LPCAT2: variants seen among roughly 807,000 people sequenced by gnomAD.
The protein encoded by LPCAT2 is 1-AGP acyltransferase 11.
In LPCAT2, 58 loss-of-function variants were observed where a neutral mutation model predicts 64.7. The observed-to-expected ratio is 0.90, with a 90% confidence interval of 0.73 to 1.12. The LOEUF (loss-of-function observed/expected upper bound fraction) is 1.12, where lower values mean the gene tolerates loss of function less well. Ranked by LOEUF, LPCAT2 falls within the 50% of genes most tolerant of loss-of-function variation. The pLI, the probability that LPCAT2 is intolerant of heterozygous loss-of-function variation, is 0.00. For synonymous variants in LPCAT2, 252 were observed against 245.3 expected (o/e 1.03, Z -0.26); for missense variants, 579 against 669.8 (o/e 0.86, Z 1.50).
intron 1 of LPCAT2, among the ~76,000 whole-genome samples, chr16:55,522,155 G>A (rs1377719978): frequency 6.6e-6 from 1 of 151,608 alleles, no homozygotes; most frequent in Admixed American, 6.6e-5. Context: ...CAGGTCATAG[G>A]ATAAAAGATC....
At chr16:55,557,142 T>A (rs1225751392) in intron 11 of LPCAT2, 2 of 152,244 alleles carry the variant, frequency 1.3e-5, no homozygotes, top group Admixed American at 1.3e-4. Context: ...ACTTTTCTTT[T>A]GATCTCCAAC....
chr16:55,524,128 A>G (rs1963136260), intron 1 of LPCAT2, among the ~76,000 whole-genome samples: 1 of 151,882 alleles, frequency 6.6e-6, no homozygotes, highest in African/African-American at 2.4e-5. Context: ...CTTGTACAAG[A>G]ATGTTCATAG....
chr16:55,513,253 G>A (rs1214565487), intron 1 of LPCAT2, among the ~76,000 whole-genome samples: 1 of 152,112 alleles, frequency 6.6e-6, no homozygotes, highest in Admixed American at 6.6e-5. Flanking sequence ...TAGTTGGAAG[G>A]AGCTTAGCAG....
At chr16:55,534,383 C>A in intron 6 of LPCAT2, 60 bp from the exon 7 acceptor site, 2 of 974,288 alleles carry the variant, frequency 2.1e-6, no homozygotes, top group East Asian at 2.5e-5. Context: ...AAAATAAGAT[C>A]TTTATTTTAT....
At chr16:55,532,055 C>G in intron 5 of LPCAT2, 81 bp downstream of exon 5, 1 of 909,224 alleles carries the variant, frequency 1.1e-6, no homozygotes, top group Non-Finnish European at 1.8e-6. Context: ...CACAAAATAA[C>G]TCTTTAGCTT....
chr16:55,580,269 G>A (rs797014264), intron 13 of LPCAT2, among the ~76,000 whole-genome samples: 68 of 152,218 alleles, frequency 4.5e-4, no homozygotes, highest in African/African-American at 1.5e-3. Context: ...TGAAAAAACA[G>A]GATAAAATGG....
chr16:55,570,345 A>G (rs571373339), intron 11 of LPCAT2, among the ~76,000 whole-genome samples: 8 of 152,270 alleles, frequency 5.3e-5, no homozygotes, highest in Non-Finnish European at 7.4e-5. Context: ...AGTACTGGCT[A>G]GGCATGGTGG....
intron 8 of LPCAT2, chr16:55,542,011 A>G (rs1254571115): frequency 1.4e-5 from 16 of 1,140,224 alleles, no homozygotes; most frequent in African/African-American, 1.6e-5. Context: ...AAAATAAAAG[A>G]TTGATTATAG....
chr16:55,541,665 C>T (rs1424827704), intron 8 of LPCAT2: 1 of 276,898 alleles, frequency 3.6e-6, no homozygotes, highest in African/African-American at 2.2e-5. Context: ...CCTGTTACTA[C>T]CTACCTGTAT....
chr16:55,584,255 A>G lies in LPCAT2; in HGVS notation c.*1157A>G, dbSNP rs1488804044. On this transcript the variant is annotated 3_prime_UTR_variant, in exon 14 of 14. Coordinates refer to ENST00000262134, the MANE Select transcript of LPCAT2 (RefSeq NM_017839.5). Reference sequence around the variant, plus strand: ...TATTAGAATTAATATATTATCATGTAAGTGGGAATTTTATTTTGTTAAGTG... The same window carrying G: ...TATTAGAATTAATATATTATCATGTGAGTGGGAATTTTATTTTGTTAAGTG... The G allele has an allele frequency of 6.6e-6, 1 of 152,158 alleles. No homozygotes were observed. The highest frequency in any genetic ancestry group is 2.4e-5 in the African/African-American group (1 of 41,454). The allele number at this position is 152,158 out of a possible 1,614,324, so 9.4% of individuals were successfully genotyped here.
chr16:55,584,639 C>A lies in LPCAT2; in HGVS notation c.*1541C>A, dbSNP rs1434846856. 6.6e-6 allele frequency: 1 copy of A among 152,098 alleles called. No homozygotes were observed. Among genetic ancestry groups the A allele is most frequent in the African/African-American group, 2.4e-5 (1 of 41,412 alleles). The allele number at this position is 152,098 out of a possible 1,614,324, so 9.4% of individuals were successfully genotyped here. A position where few individuals can be genotyped will look rare whatever the true frequency, so the allele number is the denominator to read the frequency against. On this transcript the variant is annotated 3_prime_UTR_variant, in exon 14 of 14. Coordinates refer to ENST00000262134, the MANE Select transcript of LPCAT2 (RefSeq NM_017839.5). ...TGTTTCTGAATGTATTGGTGATTCA[C>A]CCCCAAGCTAATTTTTTAAAGTCAT...
chr16:55,517,401 G>A (rs1596846321), intron 1 of LPCAT2, among the ~76,000 whole-genome samples: 2 of 151,818 alleles, frequency 1.3e-5, no homozygotes, highest in African/African-American at 4.8e-5. Context: ...ACTGGTGAAC[G>A]CTACCAAAGG....
At chr16:55,512,114 A>T (rs1190359707) in intron 1 of LPCAT2, among the ~76,000 whole-genome samples, 6 of 152,190 alleles carry the variant, frequency 3.9e-5, no homozygotes, top group African/African-American at 1.4e-4. Context: ...TGGATCCAAG[A>T]TCCCTTCTAT....
chr16:55,544,445 A>G (rs916231033), intron 8 of LPCAT2, among the ~76,000 whole-genome samples: 1 of 152,166 alleles, frequency 6.6e-6, no homozygotes, highest in Non-Finnish European at 1.5e-5. Flanking sequence ...TACTGAATGG[A>G]GAGCTTCTTG....
At chr16:55,547,669 C>A (rs187972563) in intron 9 of LPCAT2, among the ~76,000 whole-genome samples, 3 of 152,198 alleles carry the variant, frequency 2.0e-5, no homozygotes, top group Admixed American at 2.0e-4. Flanking sequence ...TTATAAGTCC[C>A]AAAATATTTT....
Position 55,583,577 on chromosome 16 carries a change from T to A in LPCAT2, c.*479T>A, listed in dbSNP as rs1963911814. 6.5e-6 allele frequency: 1 copy of A among 152,952 alleles called. No individual in the cohort carries two copies. The highest frequency in any genetic ancestry group is 2.4e-5 in the African/African-American group (1 of 41,468). The allele number at this position is 152,952 out of a possible 1,614,324, so 9.5% of individuals were successfully genotyped here. ...TACAGATTCATTTTTCCATTTAAAT[T>A]TCAGTTTCTTGGATCACTGAATATG... On this transcript the variant is annotated 3_prime_UTR_variant, in exon 14 of 14. Coordinates refer to ENST00000262134, the MANE Select transcript of LPCAT2 (RefSeq NM_017839.5).
At chr16:55,547,160 A>G (rs139044035) in intron 9 of LPCAT2, among the ~76,000 whole-genome samples, 1 of 152,306 alleles carries the variant, frequency 6.6e-6, no homozygotes, top group African/African-American at 2.4e-5. Flanking sequence ...AAAAGAAAAA[A>G]AAAAAATTGA....
chr16:55,529,891 A>G lies in LPCAT2; in HGVS notation c.586A>G (p.Lys196Glu). 2.6e-6 allele frequency: 4 copies of G among 1,521,826 alleles called. No homozygotes were observed. The highest frequency in any genetic ancestry group is 3.5e-6 in the Non-Finnish European group (4 of 1,133,958). 94.3% of individuals were successfully genotyped at this position (1,521,826 alleles called of 1,614,324 possible). A position where few individuals can be genotyped will look rare whatever the true frequency, so the allele number is the denominator to read the frequency against. Residue 196 changes from lysine (K) to glutamate (E), a missense_variant, in exon 4 of 14, where the codon AAA (lysine) becomes GAA (glutamate). Physicochemically the swap from Lys to Glu is moderately conservative, Grantham distance 56 (BLOSUM62 1). Transcript: ENST00000262134. ...GTCCCGTGTAGATCCGGATTCCCGA[A>G]AAAACACAATAAATGAAATAATAAA... ...LVSRVDPDSRKNTINEIIKRT... is the reference protein window; with the variant it reads ...LVSRVDPDSRENTINEIIKRT...
intron 1 of LPCAT2, among the ~76,000 whole-genome samples, chr16:55,514,977 T>C (rs1197489078): frequency 6.8e-6 from 1 of 146,028 alleles, no homozygotes; most frequent in Non-Finnish European, 1.5e-5. Context: ...AAAAAAAGAA[T>C]CAGCAAACTT....
Sources: allele counts gnomAD v4.1 joint callset (sites outside exome capture counted in the v4.1 genomes callset), GRCh38; gene constraint gnomAD v4.1.1; transcripts MANE v1.5; gene names NCBI Gene and HGNC (gene_info 2026-07-23, HGNC 2026-07-21).